Variants in PLEKHM3 observed in about 807,000 individuals in gnomAD.
PLEKHM3 encodes the protein pleckstrin homology domain-containing family M member 3.
In PLEKHM3, 45 loss-of-function variants were observed where a neutral mutation model predicts 81.8. The observed-to-expected ratio is 0.55, with a 90% CI of 0.43 to 0.71. The LOEUF (loss-of-function observed/expected upper bound fraction) is 0.71, where lower values mean the gene tolerates loss of function less well. PLEKHM3 is among the 30% of genes least tolerant of loss of function. PLEKHM3 has a pLI of 0.00. For synonymous variants in PLEKHM3, 352 were observed against 356.4 expected (o/e 0.99, Z 0.14); for missense variants, 788 against 924.3 (o/e 0.85, Z 1.91).
intron 1 of PLEKHM3, among the ~76,000 whole-genome samples, chr2:208,015,117 C>A (rs1370938931): frequency 6.6e-6 from 1 of 152,160 alleles, no homozygotes; most frequent in African/African-American, 2.4e-5. Context: ...CCTTTTACTG[C>A]ATTATGTTGT....
In PLEKHM3 at chr2:207,976,349, C is replaced by T. The variant is rs1251216650; in HGVS notation, c.1546+302G>A. Among the ~76,000 whole-genome samples the T allele has an allele frequency of 6.6e-6, 1 of 152,154 alleles. No individual in the cohort carries two copies. The highest frequency in any genetic ancestry group is 6.5e-5 in the Admixed American group (1 of 15,278). On this transcript the variant is annotated intron_variant, in intron 3 of 7. Coordinates refer to ENST00000427836, the MANE Select transcript of PLEKHM3 (RefSeq NM_001080475.3). The surrounding 1 kb of genome is among the most constrained non-coding windows in gnomAD (Gnocchi z 4.1). ...AAAGCAGAGGGAATGGAATCACAGC[C>T]GACTCAGGAAACCTAAATTCTAGTC...
chr2:207,874,384 G>C (rs1364902144), intron 6 of PLEKHM3, among the ~76,000 whole-genome samples: 1 of 151,986 alleles, frequency 6.6e-6, no homozygotes, highest in Admixed American at 6.5e-5. Flanking sequence ...AGACAAGCCT[G>C]ACCAAAATGG....
At position 207,912,802 on chromosome 2, in the gene PLEKHM3, C is replaced by T. The variant is rs529319977; in HGVS notation, c.1887-4225G>A. 2.2e-4 allele frequency among the ~76,000 whole-genome samples: 33 copies of T among 152,260 alleles called. 1 individual carries two copies. The South Asian group carries it at 5.8e-3, about 27-fold the overall frequency. On this transcript the variant is annotated intron_variant, in intron 5 of 7. Transcript: ENST00000427836. Reference sequence around the variant, plus strand: ...TGCTTAGAGGTAAGGGTTTCCAAGGCAGGGCCAGATAACTTACGCACACTG... The same window carrying T: ...TGCTTAGAGGTAAGGGTTTCCAAGGTAGGGCCAGATAACTTACGCACACTG...
chr2:207,947,490 T>C (rs148459320), intron 3 of PLEKHM3, among the ~76,000 whole-genome samples: 430 of 152,326 alleles, frequency 2.8e-3, no homozygotes, highest in Non-Finnish European at 4.8e-3. Context: ...TCCATCACAA[T>C]CATCCCCAAG....
intron 2 of PLEKHM3, among the ~76,000 whole-genome samples, chr2:207,986,299 G>C (rs745418769): frequency 2.6e-5 from 4 of 152,148 alleles, no homozygotes; most frequent in Non-Finnish European, 4.4e-5. Context: ...TGGAGTACTC[G>C]TAAGACTGCA....
Position 207,985,239 on chromosome 2 carries a change from C to T in PLEKHM3, c.611-7653G>A, listed in dbSNP as rs566601349. 1.5e-4 allele frequency among the ~76,000 whole-genome samples: 23 copies of T among 151,626 alleles called. No individual in the cohort carries two copies. The South Asian group carries it at 4.8e-3, about 32-fold the overall frequency. On this transcript the variant is annotated intron_variant, in intron 2 of 7. Coordinates refer to ENST00000427836, the MANE Select transcript of PLEKHM3 (RefSeq NM_001080475.3). ...CCCCCACCTAGATCTTCCTTCGTCT[C>T]TGCTTGTCCAAGTTCTCCTCATACT... is the stretch of plus-strand genomic sequence containing the variant.
chr2:207,957,328 GT>G (rs1446328368), intron 3 of PLEKHM3, among the ~76,000 whole-genome samples: 3 of 152,182 alleles, frequency 2.0e-5, no homozygotes, highest in African/African-American at 7.2e-5. Flanking sequence ...TCAAATGATG[GT>G]TGGTGAAGGT....
Position 207,861,221 on chromosome 2 carries a change from A to G in PLEKHM3, c.1992T>C (p.Ile664=). 6.2e-7 allele frequency: 1 copy of G among 1,614,094 alleles called. No individual in the cohort carries two copies. The highest frequency in any genetic ancestry group is 8.5e-7 in the Non-Finnish European group (1 of 1,180,008). The change falls in exon 7 of 8, where the codon ATT becomes ATC. Residue 664 remains isoleucine, a synonymous_variant. Coordinates refer to ENST00000427836, the MANE Select transcript of PLEKHM3 (RefSeq NM_001080475.3). ...GKLAPFLGKV[I]KFATSHVYSC... Reference sequence around the variant, plus strand: ...TGTACACGTGTGAGGTGGCAAATTTAATGACCTTGCCCAAGAATGGAGCCA... The same window carrying G: ...TGTACACGTGTGAGGTGGCAAATTTGATGACCTTGCCCAAGAATGGAGCCA...
At chr2:207,985,916 A>T (rs554839339) in intron 2 of PLEKHM3, among the ~76,000 whole-genome samples, 24 of 149,316 alleles carry the variant, frequency 1.6e-4, no homozygotes, top group African/African-American at 5.9e-4. Context: ...TGAACCTGGG[A>T]GGTGGAGCTT....
Position 207,973,212 on chromosome 2 carries a change from T to C in PLEKHM3, c.1546+3439A>G, listed in dbSNP as rs115690341. 8.2e-3 allele frequency among the ~76,000 whole-genome samples: 1,249 copies of C among 152,354 alleles called. 24 individuals carry two copies. The highest frequency in any genetic ancestry group is 0.028 in the African/African-American group (1,179 of 41,576). ...GTGTGTTTTTATGAGGATGCAAAGT[T>C]AGAAGACATAGGTACAAAAGGAAGA... On this transcript the variant is annotated intron_variant, in intron 3 of 7. Transcript: ENST00000427836.
rs2092216900 is a variant in PLEKHM3, at chr2:207,821,514, A to C, written c.*6805T>G. 6.6e-6 allele frequency: 1 copy of C among 152,218 alleles called. No homozygotes were observed. Among genetic ancestry groups the C allele is most frequent in the South Asian group, 2.1e-4 (1 of 4,830 alleles). The allele number at this position is 152,218 out of a possible 1,614,324, so 9.4% of individuals were successfully genotyped here. ...AAAATCCAAAAAACAGAAAGAACAC[A>C]TATATAAGTTAGCACATTAGCTACT... On this transcript the variant is annotated 3_prime_UTR_variant, in exon 8 of 8. Transcript: ENST00000427836.
At chr2:208,007,672 C>A (rs945584915) in intron 1 of PLEKHM3, among the ~76,000 whole-genome samples, 1 of 152,120 alleles carries the variant, frequency 6.6e-6, no homozygotes, top group South Asian at 2.1e-4. Flanking sequence ...AATCCCAGCA[C>A]TTTGGGAGGC....
chr2:207,887,540 T>G (rs1255972351), intron 6 of PLEKHM3, among the ~76,000 whole-genome samples: 1 of 152,198 alleles, frequency 6.6e-6, no homozygotes. Flanking sequence ...TAACATAGGA[T>G]TTAATTGTCA....
At chr2:207,837,797 G>A (rs2092328956) in intron 7 of PLEKHM3, among the ~76,000 whole-genome samples, 1 of 86,790 alleles carries the variant, frequency 1.2e-5, no homozygotes, top group Non-Finnish European at 2.0e-5. Context: ...TTGAGATTAA[G>A]TCTTGCTCTG....
chr2:207,914,856 C>A (rs1688932567), intron 5 of PLEKHM3, among the ~76,000 whole-genome samples: 1 of 152,206 alleles, frequency 6.6e-6, no homozygotes, highest in Admixed American at 6.5e-5. Flanking sequence ...TGTGCATTAA[C>A]TGACGTCACT....
chr2:207,898,743 A>G (rs1056778735), intron 6 of PLEKHM3, among the ~76,000 whole-genome samples: 3 of 152,000 alleles, frequency 2.0e-5, no homozygotes, highest in African/African-American at 7.2e-5. Context: ...AACATTTTAA[A>G]AATCAGCCGT....
intron 6 of PLEKHM3, among the ~76,000 whole-genome samples, chr2:207,885,295 A>G (rs949240301): frequency 2.0e-5 from 3 of 152,196 alleles, no homozygotes; most frequent in Non-Finnish European, 4.4e-5. Context: ...TCAGACAATT[A>G]TATATCCTGA....
intron 3 of PLEKHM3, among the ~76,000 whole-genome samples, chr2:207,959,489 G>A (rs891419583): frequency 5.3e-5 from 8 of 152,084 alleles, no homozygotes; most frequent in African/African-American, 1.9e-4. Context: ...TTTAGAAGTC[G>A]CTTCTTACAT....
intron 3 of PLEKHM3, among the ~76,000 whole-genome samples, chr2:207,947,650 G>T (rs954984560): frequency 2.8e-5 from 4 of 143,472 alleles, no homozygotes; most frequent in Non-Finnish European, 6.4e-5. Flanking sequence ...GGATCAAAGA[G>T]ATCTCGCACT....
Sources: allele counts gnomAD v4.1 joint callset (sites outside exome capture counted in the v4.1 genomes callset), GRCh38; gene constraint gnomAD v4.1.1; non-coding constraint Gnocchi (gnomAD v3.1); transcripts MANE v1.5; gene names NCBI Gene and HGNC (gene_info 2026-07-23, HGNC 2026-07-21).